Variants in PRR14L observed in about 807,000 individuals in gnomAD.
The protein encoded by PRR14L is protein PRR14L.
PRR14L carries 80 observed loss-of-function variants against 155.0 expected under a neutral mutation model. That is an observed-to-expected ratio of 0.52 (90% CI 0.43 to 0.62). The LOEUF is 0.62. Among genes scored for constraint, PRR14L ranks in the 20% least tolerant of loss-of-function variants. The probability of loss-of-function intolerance (pLI) is 0.00; values close to 1 mark genes in which losing one functional copy is unlikely to be tolerated. For synonymous variants in PRR14L, 883 were observed against 916.0 expected (o/e 0.96, Z 0.65); for missense variants, 2,469 against 2,548.0 (o/e 0.97, Z 0.67).
rs12160060 is a variant in PRR14L at position 31,735,771 on chromosome 22, C to T, written c.474+2616G>A. Among the ~76,000 whole-genome samples the T allele has an allele frequency of 4.4e-3, 670 of 151,712 alleles. 3 individuals are homozygous for T. Among genetic ancestry groups the T allele is most frequent in the Non-Finnish European group, 6.3e-3 (428 of 67,946 alleles). The stretch of plus-strand genomic sequence containing the variant: ...TATTTTTAAAAGATAGGGCATTGGC[C>T]GGGCGCAGTGGCTCACCCTGTAATC... On this transcript the variant is annotated intron_variant, in intron 2 of 8. Transcript: ENST00000327423.
chr22:31,684,481 C>T lies in PRR14L; in HGVS notation c.*1046G>A, dbSNP rs1213480991. 1 of 152,192 alleles carries T rather than the reference C, an allele frequency of 6.6e-6. No individual in the cohort carries two copies. The highest frequency in any genetic ancestry group is 1.9e-4 in the East Asian group (1 of 5,204). 9.4% of individuals were successfully genotyped at this position (152,192 alleles called of 1,614,324 possible). A position where few individuals can be genotyped will look rare whatever the true frequency, so the allele number is the denominator to read the frequency against. On this transcript the variant is annotated 3_prime_UTR_variant, in exon 9 of 9. Transcript: ENST00000327423. ...ACCTAACACCATTTCAGATAAAAAC[C>T]ATTAAGACCACACCCAACCATAGTA...
intron 1 of PRR14L, among the ~76,000 whole-genome samples, chr22:31,745,761 C>T (rs1011471907): frequency 4.7e-5 from 7 of 149,832 alleles, no homozygotes; most frequent in African/African-American, 1.5e-4. Context: ...GCACGAGAAT[C>T]GCTTGAACCT....
intron 5 of PRR14L, 53 bp from the exon 6 acceptor site, chr22:31,703,774 G>T: frequency 2.7e-6 from 3 of 1,123,534 alleles, no homozygotes; most frequent in Admixed American, 3.0e-5. Context: ...TCTACTTCCA[G>T]CACATTCAAC....
At chr22:31,690,217 G>A (rs2074504368) in intron 7 of PRR14L, among the ~76,000 whole-genome samples, 2 of 151,164 alleles carry the variant, frequency 1.3e-5, no homozygotes, top group African/African-American at 4.9e-5. Context: ...ATGCCCAGCT[G>A]TAACTTTCTG....
At position 31,713,956 on chromosome 22, in the gene PRR14L, T is replaced by C; in HGVS notation, c.3883A>G (p.Ser1295Gly). Residue 1295 changes from serine (S) to glycine (G), a missense_variant, in exon 4 of 9, where the codon AGT becomes GGT. Around this residue, in one of 2 missense-constraint regions of PRR14L, gnomAD observed 2,363 missense variants for 2,371.6 expected, o/e 1.00. Transcript: ENST00000327423. Reference sequence around the variant, plus strand: ...CAGGTACATACGCTGTCTCTGTCACTAGAATTACTCCAATCTCTTGATACT... The same window carrying C: ...CAGGTACATACGCTGTCTCTGTCACCAGAATTACTCCAATCTCTTGATACT... ...EIVSRDWSNSSDRDSVCTCVE... is the reference protein window; with the variant it reads ...EIVSRDWSNSGDRDSVCTCVE... The C allele has an allele frequency of 1.3e-6, 2 of 1,551,778 alleles. No individual in the cohort carries two copies. Among genetic ancestry groups the C allele is most frequent in the Non-Finnish European group, 1.7e-6 (2 of 1,146,952 alleles).
chr22:31,697,784 T>C (rs899525135), intron 7 of PRR14L, among the ~76,000 whole-genome samples: 2 of 152,082 alleles, frequency 1.3e-5, no homozygotes, highest in African/African-American at 4.8e-5. Flanking sequence ...GAGGATCACC[T>C]GAGCCCAGGA....
intron 2 of PRR14L, among the ~76,000 whole-genome samples, chr22:31,732,129 A>G (rs941966931): frequency 1.3e-5 from 2 of 152,188 alleles, no homozygotes; most frequent in African/African-American, 4.8e-5. Flanking sequence ...GTACTTGTGT[A>G]TAGGTTTTAT....
chr22:31,748,710 G>A (rs1724280106), intron 1 of PRR14L, among the ~76,000 whole-genome samples: 1 of 152,156 alleles, frequency 6.6e-6, no homozygotes, highest in South Asian at 2.1e-4. Context: ...AGGGAAGTGG[G>A]AGAGGGCATC....
chr22:31,746,662 A>G (rs933127791), intron 1 of PRR14L, among the ~76,000 whole-genome samples: 1 of 152,184 alleles, frequency 6.6e-6, no homozygotes, highest in African/African-American at 2.4e-5. Flanking sequence ...GAATGGATTT[A>G]TTCCCAAAAA....
Position 31,743,045 on chromosome 22 carries a change from G to T in PRR14L, c.-51-4134C>A, listed in dbSNP as rs148396152. On this transcript the variant is annotated intron_variant, in intron 1 of 8. Transcript: ENST00000327423. ...TACTATGAACCCAGCTACTAAGAGGGGAGGATCACGCCCATGGGAGGCCAA... is the reference window on the plus strand; with the variant it reads ...TACTATGAACCCAGCTACTAAGAGGTGAGGATCACGCCCATGGGAGGCCAA... Among the ~76,000 whole-genome samples the T allele has an allele frequency of 9.3e-3, 1,423 of 152,230 alleles. 74 individuals are homozygous for T. Among genetic ancestry groups the T allele is most frequent in the Admixed American group, 0.083 (1,267 of 15,272 alleles).
chr22:31,747,808 CA>C (rs560956513), intron 1 of PRR14L, among the ~76,000 whole-genome samples: 297 of 111,990 alleles, frequency 2.7e-3, no homozygotes, highest in South Asian at 9.9e-3. Context: ...CCTATCCCAC[CA>C]AAAAAAAAAA....
chr22:31,736,753 A>G (rs2074784060), intron 2 of PRR14L, among the ~76,000 whole-genome samples: 1 of 152,086 alleles, frequency 6.6e-6, no homozygotes, highest in Admixed American at 6.6e-5. Context: ...AAGAGACCAT[A>G]TGAGGCCAGG....
chr22:31,735,788 C>T (rs1448413755), intron 2 of PRR14L, among the ~76,000 whole-genome samples: 3 of 151,826 alleles, frequency 2.0e-5, no homozygotes, highest in Admixed American at 2.0e-4. Context: ...AGTGGCTCAC[C>T]CTGTAATCCC....
At chr22:31,695,373 G>C (rs919135671) in intron 7 of PRR14L, among the ~76,000 whole-genome samples, 4 of 152,122 alleles carry the variant, frequency 2.6e-5, no homozygotes, top group Non-Finnish European at 5.9e-5. Context: ...TTTCCGGTTT[G>C]GTGAGCTTTT....
chr22:31,739,919 CACA>C (rs935038425), intron 1 of PRR14L, among the ~76,000 whole-genome samples: 5 of 152,146 alleles, frequency 3.3e-5, no homozygotes, highest in East Asian at 1.9e-4. Context: ...ATGCAGTTTC[CACA>C]ACAACAAAAT....
At chr22:31,724,934 G>A (rs1378993767) in intron 3 of PRR14L, among the ~76,000 whole-genome samples, 1 of 152,122 alleles carries the variant, frequency 6.6e-6, no homozygotes, top group East Asian at 1.9e-4. Context: ...GGGTGACCTG[G>A]AGTAAACATT....
intron 1 of PRR14L, among the ~76,000 whole-genome samples, chr22:31,742,439 C>T (rs1307027301): frequency 6.6e-6 from 1 of 151,652 alleles, no homozygotes; most frequent in Non-Finnish European, 1.5e-5. Flanking sequence ...GCCATCTCAG[C>T]TCACTGCAAT....
At chr22:31,708,733 T>G (rs562141003) in intron 4 of PRR14L, among the ~76,000 whole-genome samples, 3 of 152,258 alleles carry the variant, frequency 2.0e-5, no homozygotes, top group Non-Finnish European at 2.9e-5. Context: ...CTCTGCTGAT[T>G]CTTGTGCCTC....
rs1020606153 is a variant in PRR14L at position 31,685,647 on chromosome 22, G to C, written c.6336C>G (p.Thr2112=). The C allele has an allele frequency of 1.3e-6, 2 of 1,551,788 alleles. No individual in the cohort carries two copies. Among genetic ancestry groups the C allele is most frequent in the Non-Finnish European group, 1.7e-6 (2 of 1,147,010 alleles). Residue 2112 remains threonine (T), a synonymous_variant, in exon 9 of 9, where the codon ACC becomes ACG. Transcript: ENST00000327423. The part of the protein sequence containing the change: ...RGKVKVAGSF[T]RAQKAAVQSR... ...TCTGCACAGCTGCCTTCTGGGCCCT[G>C]GTAAAGCTGCCTGCCACCTTGACTT... is the stretch of plus-strand genomic sequence containing the variant.
Sources: allele counts gnomAD v4.1 joint callset (sites outside exome capture counted in the v4.1 genomes callset), GRCh38; gene constraint gnomAD v4.1.1; regional missense constraint gnomAD v4.1.1; transcripts MANE v1.5; gene names NCBI Gene and HGNC (gene_info 2026-07-23, HGNC 2026-07-21).